Variants in ZFP69 observed in about 807,000 individuals in gnomAD.
ZFP69 encodes ZFP69 zinc finger protein.
ZFP69 carries 35 observed loss-of-function variants against 48.9 expected under a neutral mutation model. That is an observed-to-expected ratio of 0.72 (90% CI 0.55 to 0.95). The LOEUF (loss-of-function observed/expected upper bound fraction) is 0.95, where lower values mean the gene tolerates loss of function less well. Among genes scored for constraint, ZFP69 ranks in the 40% least tolerant of loss-of-function variants. The pLI, the probability that ZFP69 is intolerant of heterozygous loss-of-function variation, is 0.00. For missense variants in ZFP69, 557 were observed against 638.4 expected (o/e 0.87, Z 1.37); for synonymous variants, 193 against 216.8 (o/e 0.89, Z 0.96).
In ZFP69 at chr1:40,487,991, A is replaced by G. The variant is rs535778670; in HGVS notation, c.220-1097A>G. Among the ~76,000 whole-genome samples, 9 of 149,196 alleles carry G rather than the reference A, an allele frequency of 6.0e-5. 1 individual carries two copies. In the South Asian group the frequency reaches 1.9e-3, roughly 32 times the overall value. The stretch of plus-strand genomic sequence containing the variant: ...GAACCCGGGAGGTGGCAGTGAGCTG[A>G]GCTCGCACCACTGCACTCCAGCCTG... On this transcript the variant is annotated intron_variant, in intron 3 of 5. Transcript: ENST00000372706.
chr1:40,490,488 C>T (rs1352388318), intron 5 of ZFP69, among the ~76,000 whole-genome samples: 1 of 152,164 alleles, frequency 6.6e-6, no homozygotes, highest in Admixed American at 6.5e-5. Flanking sequence ...CTTCACTGAG[C>T]CCTTGCAAAA....
At position 40,496,231 on chromosome 1, in the gene ZFP69, G is replaced by GTACT; in HGVS notation, c.*175_*178dup. Reference sequence around the variant, plus strand: ...TATTGACTACTAACACCTCTAAAAAGTACTTAAGATTAAAATCTGGTCCTT... The same window carrying GTACT: ...TATTGACTACTAACACCTCTAAAAAGTACTTACTTAAGATTAAAATCTGGTCCTT... On this transcript the variant is annotated 3_prime_UTR_variant, in exon 6 of 6. Transcript: ENST00000372706. 1.9e-6 allele frequency: 1 copy of GTACT among 521,972 alleles called. No homozygotes were observed. The highest frequency in any genetic ancestry group is 3.7e-5 in the Admixed American group (1 of 27,004). 32.3% of individuals were successfully genotyped at this position (521,972 alleles called of 1,614,324 possible).
chr1:40,480,465 GT>G (rs1273477687), intron 2 of ZFP69, among the ~76,000 whole-genome samples: 6 of 146,016 alleles, frequency 4.1e-5, no homozygotes, highest in Admixed American at 6.9e-5. Context: ...TTTGATAGCA[GT>G]TTTTTTTTTA....
At chr1:40,482,809 C>T (rs1006427888) in intron 3 of ZFP69, among the ~76,000 whole-genome samples, 2 of 152,132 alleles carry the variant, frequency 1.3e-5, no homozygotes, top group Admixed American at 6.5e-5. Flanking sequence ...AGTGTTTATA[C>T]ATGTGATGAC....
intron 3 of ZFP69, among the ~76,000 whole-genome samples, chr1:40,483,102 C>T (rs865839957): frequency 8.6e-5 from 13 of 151,758 alleles, no homozygotes; most frequent in African/African-American, 2.9e-4. Context: ...GGTGGATCAA[C>T]TGGGGGTGGA....
Position 40,495,012 on chromosome 1 carries a change from C to T in ZFP69, c.534C>T (p.Phe178=). 1.2e-6 allele frequency: 2 copies of T among 1,613,942 alleles called. No homozygotes were observed. Among genetic ancestry groups the T allele is most frequent in the South Asian group, 1.1e-5 (1 of 91,082 alleles). The change falls in exon 6 of 6, where the codon TTC becomes TTT. Residue 178 remains phenylalanine, a synonymous_variant. Coordinates refer to ENST00000372706, the MANE Select transcript of ZFP69 (RefSeq NM_001320179.2). The part of the protein sequence containing the change: ...RLYHGIMMES[F]MRDDIIYSTL... ...ATCATGGCATTATGATGGAAAGTTT[C>T]ATGAGGGATGATATAATTTATTCCA...
chr1:40,479,427 A>C lies in ZFP69; in HGVS notation c.66A>C (p.Pro22=). ...GCACCTGGGTGAAGCTGCAACATCCAAAGAAGGCCGTGGAGGGGGCGCCCC... is the reference window on the plus strand; with the variant it reads ...GCACCTGGGTGAAGCTGCAACATCCCAAGAAGGCCGTGGAGGGGGCGCCCC... The part of the protein sequence containing the change: ...EASTWVKLQH[P]KKAVEGAPLW... The change falls in exon 2 of 6, where the codon CCA becomes CCC. Residue 22 remains proline (P), a synonymous_variant. Transcript: ENST00000372706. The C allele has an allele frequency of 6.2e-7, 1 of 1,614,110 alleles. No individual in the cohort carries two copies. Among genetic ancestry groups the C allele is most frequent in the Non-Finnish European group, 8.5e-7 (1 of 1,179,968 alleles).
In ZFP69 at chr1:40,495,107, G is replaced by A; in HGVS notation, c.629G>A (p.Arg210Lys). The A allele has an allele frequency of 6.2e-7, 1 of 1,614,010 alleles. No homozygotes were observed. The change falls in exon 6 of 6, where the codon AGA becomes AAA. Residue 210 changes from arginine to lysine, a missense_variant. Coordinates refer to ENST00000372706, the MANE Select transcript of ZFP69 (RefSeq NM_001320179.2). ...CAGGAAACTTGTATGAGAGATGTGA[G>A]ACAAGCCATCTTGACCCATAAGAAG... ...RHQETCMRDVRQAILTHKKRV... is the reference protein window; with the variant it reads ...RHQETCMRDVKQAILTHKKRV...
rs746474086 is a variant in ZFP69, at chr1:40,495,318, CAA to C, written c.842_843del (p.Lys281ThrfsTer7). The C allele has an allele frequency of 6.2e-7, 1 of 1,614,116 alleles. No homozygotes were observed. Among genetic ancestry groups the C allele is most frequent in the East Asian group, 2.2e-5 (1 of 44,874 alleles). On this transcript the variant is annotated frameshift_variant, in exon 6 of 6. Coordinates refer to ENST00000372706, the MANE Select transcript of ZFP69 (RefSeq NM_001320179.2). LOFTEE classifies it high-confidence loss of function. Reference sequence around the variant, plus strand: ...AATGTAATATATGTGAAAAAATCTTCAAACAACCTATTCACCTTACTGAACAT... The same window carrying C: ...AATGTAATATATGTGAAAAAATCTTCACAACCTATTCACCTTACTGAACAT... ...YECNICEKIFKQPIHLTEHMR... is the reference protein window; with the variant it reads ...YECNICEKIFXQPIHLTEHMR...
chr1:40,481,975 A>G, intron 3 of ZFP69, 121 bp downstream of exon 3: 1 of 572,834 alleles, frequency 1.7e-6, no homozygotes, highest in Non-Finnish European at 2.8e-6. Flanking sequence ...AACAAATTCA[A>G]CCTAAGGAGC....
intron 3 of ZFP69, among the ~76,000 whole-genome samples, chr1:40,484,205 GT>G (rs1284306248): frequency 6.6e-6 from 1 of 151,774 alleles, no homozygotes; most frequent in Non-Finnish European, 1.5e-5. Flanking sequence ...TTTTTGTTTG[GT>G]TTTGTTTTTT....
In ZFP69 at chr1:40,494,992, G is replaced by C; in HGVS notation, c.514G>C (p.Gly172Arg). 6.2e-7 allele frequency: 1 copy of C among 1,613,728 alleles called. No homozygotes were observed. The highest frequency in any genetic ancestry group is 8.5e-7 in the Non-Finnish European group (1 of 1,179,938). Residue 172 changes from glycine (G) to arginine (R), a missense_variant, in exon 6 of 6, where the codon GGC becomes CGC. Coordinates refer to ENST00000372706, the MANE Select transcript of ZFP69 (RefSeq NM_001320179.2). ...STISQERLYH[G>R]IMMESFMRDD... ...CATTTCACAGGAGCGCTTATATCAT[G>C]GCATTATGATGGAAAGTTTCATGAG...
intron 5 of ZFP69, chr1:40,493,109 C>T (rs1645585366): frequency 6.6e-6 from 1 of 151,980 alleles, no homozygotes; most frequent in Non-Finnish European, 1.5e-5. Context: ...CCTGTAATCC[C>T]AGCTACTCGG....
Position 40,479,178 on chromosome 1 carries a change from T to G in ZFP69, c.-184T>G. ...GCTTGATTTAAAGGGGAGTTTGTTT[T>G]CCAGAATTGTTAAAGTCACATCAGT... On this transcript the variant is annotated 5_prime_UTR_variant, in exon 2 of 6. Transcript: ENST00000372706. 1 of 687,060 alleles carries G rather than the reference T, an allele frequency of 1.5e-6. No individual in the cohort carries two copies. The highest frequency in any genetic ancestry group is 2.4e-6 in the Non-Finnish European group (1 of 413,660). 42.6% of individuals were successfully genotyped at this position (687,060 alleles called of 1,614,324 possible).
intron 2 of ZFP69, among the ~76,000 whole-genome samples, 176 bp from the exon 3 acceptor site, chr1:40,481,587 C>T (rs529691376): frequency 2.0e-5 from 3 of 152,200 alleles, no homozygotes; most frequent in Non-Finnish European, 2.9e-5. Flanking sequence ...ATGCCCAAAG[C>T]GACTTGCAGC....
In ZFP69 at chr1:40,479,284, C is replaced by T; in HGVS notation, c.-78C>T. The T allele has an allele frequency of 6.3e-7, 1 of 1,597,090 alleles. No homozygotes were observed. Among genetic ancestry groups the T allele is most frequent in the Non-Finnish European group, 8.5e-7 (1 of 1,169,830 alleles). On this transcript the variant is annotated 5_prime_UTR_variant, in exon 2 of 6. Coordinates refer to ENST00000372706, the MANE Select transcript of ZFP69 (RefSeq NM_001320179.2). ...GGTGATTGGAATCTGAGCAACACCC[C>T]ACAACTGTGAAGCGTCTCATCAAGA...
At chr1:40,487,336 AC>A (rs1349140953) in intron 3 of ZFP69, among the ~76,000 whole-genome samples, 3 of 152,124 alleles carry the variant, frequency 2.0e-5, no homozygotes, top group Non-Finnish European at 4.4e-5. Context: ...ATTTGAAAAA[AC>A]TTGCAGATGG....
At position 40,477,457 on chromosome 1, in the gene ZFP69, G is replaced by A. The variant is rs1186004053; in HGVS notation, c.-764G>A. On this transcript the variant is annotated 5_prime_UTR_variant, in exon 1 of 6. Transcript: ENST00000372706. The surrounding 1 kb of genome is among the most constrained non-coding windows in gnomAD (Gnocchi z 4.0). ...CACCCGGCTGCGGCCTAAGAGGCCA[G>A]GCTGGGTGGGCTTGGCTGCAGCCGC... 1 of 152,140 alleles carries A rather than the reference G, an allele frequency of 6.6e-6. No homozygotes were observed. Among genetic ancestry groups the A allele is most frequent in the Non-Finnish European group, 1.5e-5 (1 of 68,032 alleles). 9.4% of individuals were successfully genotyped at this position (152,140 alleles called of 1,614,324 possible). A position where few individuals can be genotyped will look rare whatever the true frequency, so the allele number is the denominator to read the frequency against.
intron 5 of ZFP69, among the ~76,000 whole-genome samples, chr1:40,494,255 AATTTTTT>A (rs375611774): frequency 0.063 from 7,800 of 123,550 alleles, 754 homozygotes; most frequent in African/African-American, 0.13. Context: ...AAAGATTCAA[AATTTTTT>A]TTTTTTTTTT....
Sources: gnomAD v4.1 joint callset for allele counts (sites outside exome capture counted in the v4.1 genomes callset) on GRCh38, gnomAD v4.1.1 for gene constraint, Gnocchi (gnomAD v3.1) non-coding constraint, MANE v1.5 for transcripts, NCBI Gene and HGNC (gene_info 2026-07-23, HGNC 2026-07-21) for gene names.